Variants in COL3A1 observed in about 807,000 individuals in gnomAD.
COL3A1 encodes collagen type III alpha 1 chain.
Under a neutral mutation model 200.9 loss-of-function variants are expected in COL3A1, and 46 were observed. The ratio of observed to expected loss-of-function variants is 0.23; its 90% CI spans 0.18 to 0.29. The LOEUF (loss-of-function observed/expected upper bound fraction) is 0.29. Among genes scored for constraint, COL3A1 ranks in the 10% least tolerant of loss-of-function variants. The pLI, the probability that COL3A1 is intolerant of heterozygous loss-of-function variation, is 1.00. For missense variants in COL3A1, 1,367 were observed against 1,917.6 expected (o/e 0.71, Z 5.36); for synonymous variants, 650 against 628.0 (o/e 1.03, Z -0.52).
intron 32 of COL3A1, 34 bp from the exon 33 acceptor site, chr2:189,001,363 C>A: frequency 6.3e-7 from 1 of 1,596,850 alleles, no homozygotes; most frequent in Middle Eastern, 1.7e-4. Flanking sequence ...ATATTTGTAT[C>A]TTCAAAATTA....
At chr2:188,992,979 T>C (rs774238281) in intron 15 of COL3A1, 39 bp downstream of exon 15, 2 of 1,589,562 alleles carry the variant, frequency 1.3e-6, no homozygotes, top group South Asian at 2.2e-5. Context: ...AAAAATATCT[T>C]GGAGGCAAGA....
chr2:188,992,265 A>G (rs1688205557), intron 14 of COL3A1, 37 bp downstream of exon 14: 2 of 1,576,876 alleles, frequency 1.3e-6, no homozygotes, highest in Non-Finnish European at 1.7e-6. Flanking sequence ...TTGTAGGGTA[A>G]TGAGAAGTTA....
chr2:188,999,175 T>A, intron 29 of COL3A1, 110 bp from the exon 30 acceptor site: 1 of 1,027,158 alleles, frequency 9.7e-7, no homozygotes, highest in East Asian at 2.6e-5. Context: ...AATTTCTAGA[T>A]TGTTCACAAT....
Position 188,994,492 on chromosome 2 carries a change from G to T in COL3A1, c.1294-49G>T. On this transcript the variant is annotated intron_variant, in intron 18 of 50. Transcript: ENST00000304636. This position sits in a 1 kb window ranked among gnomAD's most constrained non-coding sequence, Gnocchi z 4.5. ...AATTATGTGTTACTGGTGATGATTTGTTAGTCGAATCCTCCCTGTGTTTCA... is the reference window on the plus strand; with the variant it reads ...AATTATGTGTTACTGGTGATGATTTTTTAGTCGAATCCTCCCTGTGTTTCA... The T allele has an allele frequency of 2.5e-6, 4 of 1,598,020 alleles. No homozygotes were observed. The highest frequency in any genetic ancestry group is 3.4e-6 in the Non-Finnish European group (4 of 1,165,510).
At chr2:188,986,301 AAC>A (rs1385305805) in intron 4 of COL3A1, among the ~76,000 whole-genome samples, 1 of 152,098 alleles carries the variant, frequency 6.6e-6, no homozygotes, top group African/African-American at 2.4e-5. Context: ...CTGCAGGTAA[AAC>A]AACCAAACAA....
intron 1 of COL3A1, among the ~76,000 whole-genome samples, chr2:188,976,215 T>C (rs1687810481): frequency 6.6e-6 from 1 of 152,082 alleles, no homozygotes; most frequent in Admixed American, 6.6e-5. Flanking sequence ...TTGCAACATA[T>C]TTGTAGTTGC....
intron 1 of COL3A1, among the ~76,000 whole-genome samples, chr2:188,975,691 G>A (rs1483608105): frequency 1.3e-5 from 2 of 152,142 alleles, no homozygotes; most frequent in Non-Finnish European, 2.9e-5. Context: ...GTGTGTATGA[G>A]GGGAGGGGTA....
intron 1 of COL3A1, among the ~76,000 whole-genome samples, chr2:188,979,775 A>G (rs1213119106): frequency 6.6e-6 from 1 of 151,798 alleles, no homozygotes; most frequent in Non-Finnish European, 1.5e-5. Flanking sequence ...AATCGTACTC[A>G]GTTTTGAAAT....
Position 189,008,011 on chromosome 2 carries a change from T to C in COL3A1, c.3418-24T>C, listed in dbSNP as rs551658553. 1.9e-5 allele frequency: 30 copies of C among 1,613,956 alleles called. No individual in the cohort carries two copies. The African/African-American group carries it at 2.1e-4, about 11-fold the overall frequency. ...GCATTTCAGAAAGATATTCTGGCAT[T>C]GTGATGTCATGATACTTTCTTAGGG... On this transcript the variant is annotated intron_variant, in intron 46 of 50. Coordinates refer to ENST00000304636, the MANE Select transcript of COL3A1 (RefSeq NM_000090.4).
chr2:189,005,560 T>C (rs1369058021), intron 41 of COL3A1, 103 bp downstream of exon 41: 68 of 894,026 alleles, frequency 7.6e-5, no homozygotes, highest in Non-Finnish European at 9.2e-5. Context: ...TATGGCCACA[T>C]AGCAAAGTTC....
At chr2:189,005,166 A>T (rs1199935137) in intron 40 of COL3A1, among the ~76,000 whole-genome samples, 184 bp from the exon 41 acceptor site, 4 of 152,258 alleles carry the variant, frequency 2.6e-5, no homozygotes, top group African/African-American at 9.6e-5. Context: ...TCACTGAGCA[A>T]GTTAGAAAAT....
rs1458686134 is a variant in COL3A1 at position 189,006,156 on chromosome 2, C to G, written c.3040-50C>G. On this transcript the variant is annotated intron_variant, in intron 41 of 50. Coordinates refer to ENST00000304636, the MANE Select transcript of COL3A1 (RefSeq NM_000090.4). ...TGCTGAGAATGCATGGATGAAATGG[C>G]ATTTGGAAGGTTTCAAGAAATTTTA... is the stretch of plus-strand genomic sequence containing the variant. The G allele has an allele frequency of 1.3e-6, 2 of 1,584,936 alleles. 1 individual carries two copies. The highest frequency in any genetic ancestry group is 3.3e-4 in the Middle Eastern group (2 of 5,994).
intron 31 of COL3A1, 100 bp from the exon 32 acceptor site, chr2:188,999,742 C>G: frequency 7.3e-7 from 1 of 1,377,232 alleles, no homozygotes; most frequent in South Asian, 1.2e-5. Flanking sequence ...AATTAGAACA[C>G]CCAATATATA....
chr2:188,998,647 C>T (rs1007005359), intron 28 of COL3A1, 27 bp from the exon 29 acceptor site: 1 of 1,609,908 alleles, frequency 6.2e-7, no homozygotes, highest in African/African-American at 1.3e-5. Context: ...CTGATATGGG[C>T]CTAATCATAT....
chr2:188,985,448 C>A (rs1017178890), intron 3 of COL3A1, among the ~76,000 whole-genome samples: 3 of 151,796 alleles, frequency 2.0e-5, no homozygotes, highest in Admixed American at 2.0e-4. Context: ...TGTCTTCACC[C>A]CCATGATCAG....
At chr2:189,006,576 T>A in intron 43 of COL3A1, 124 bp downstream of exon 43, 1 of 939,672 alleles carries the variant, frequency 1.1e-6, no homozygotes, top group Non-Finnish European at 1.7e-6. Context: ...TTTACAGTTT[T>A]AATGCTAGTT....
intron 7 of COL3A1, among the ~76,000 whole-genome samples, 198 bp from the exon 8 acceptor site, chr2:188,989,198 G>A (rs959332795): frequency 6.6e-6 from 1 of 151,406 alleles, no homozygotes; most frequent in African/African-American, 2.4e-5. Flanking sequence ...CGTAATATAT[G>A]ATGCTTTTAA....
intron 16 of COL3A1, 64 bp from the exon 17 acceptor site, chr2:188,993,974 A>C (rs1688241698): frequency 6.7e-7 from 1 of 1,502,134 alleles, no homozygotes; most frequent in Non-Finnish European, 9.2e-7. Context: ...CACACAAACA[A>C]CTTCAAATAT....
At chr2:188,992,068 A>T in intron 13 of COL3A1, 116 bp from the exon 14 acceptor site, 2 of 952,394 alleles carry the variant, frequency 2.1e-6, no homozygotes, top group Non-Finnish European at 3.4e-6. Flanking sequence ...TATTAAGCAG[A>T]TTTTAATGTA....
Sources: gnomAD v4.1 joint callset for allele counts (sites outside exome capture counted in the v4.1 genomes callset) on GRCh38, gnomAD v4.1.1 for gene constraint, Gnocchi (gnomAD v3.1) non-coding constraint, MANE v1.5 for transcripts, NCBI Gene and HGNC (gene_info 2026-07-23, HGNC 2026-07-21) for gene names.